PAPPA2: variants seen among roughly 807,000 people sequenced by gnomAD.
PAPPA2 encodes pappalysin-2.
A neutral mutation model predicts 176.4 loss-of-function variants in PAPPA2; 86 were observed. The observed-to-expected ratio is 0.49, with a 90% CI of 0.41 to 0.58. The LOEUF (loss-of-function observed/expected upper bound fraction) is 0.58. Ranked by LOEUF, PAPPA2 falls within the 20% of genes least tolerant of loss-of-function variation. PAPPA2 has a pLI of 0.00. For missense variants in PAPPA2, 2,073 were observed against 2,256.9 expected (o/e 0.92, Z 1.65); for synonymous variants, 809 against 852.2 (o/e 0.95, Z 0.88).
intron 1 of PAPPA2, among the ~76,000 whole-genome samples, chr1:176,491,382 A>C (rs1355040116): frequency 1.3e-5 from 2 of 152,218 alleles, no homozygotes; most frequent in Non-Finnish European, 2.9e-5. Context: ...ATGAGGTGTG[A>C]CATCTAGGCT....
At position 176,791,428 on chromosome 1, in the gene PAPPA2, C is replaced by G; in HGVS notation, c.4966C>G (p.Pro1656Ala). Residue 1656 changes from proline to alanine, a missense_variant, in exon 19 of 23, where the codon CCC (proline) becomes GCC (alanine). Physicochemically the swap from Pro to Ala is conservative, Grantham distance 27 (BLOSUM62 -1). Around this residue, in one of 4 missense-constraint regions of PAPPA2, gnomAD observed 846 missense variants for 857.9 expected, o/e 0.99. Transcript: ENST00000367662. ...GAATCTGCAAGGAGAATGCCCACCA[C>G]CCCCCTCAGAGCTGAATTCTGTGGA... ...CENLQGECPPPPSELNSVEYK... is the reference protein window; with the variant it reads ...CENLQGECPPAPSELNSVEYK... 3 of 1,613,338 alleles carry G rather than the reference C, an allele frequency of 1.9e-6. No individual in the cohort carries two copies. The highest frequency in any genetic ancestry group is 2.5e-6 in the Non-Finnish European group (3 of 1,179,404).
chr1:176,775,059 G>A (rs981852693), intron 17 of PAPPA2, among the ~76,000 whole-genome samples: 14 of 152,020 alleles, frequency 9.2e-5, no homozygotes, highest in African/African-American at 3.1e-4. Flanking sequence ...TGTTGTCCAG[G>A]AAGCCTACCA....
Position 176,739,622 on chromosome 1 carries a change from T to A in PAPPA2, c.3799-4T>A, listed in dbSNP as rs756823850. 2 of 1,612,042 alleles carry A rather than the reference T, an allele frequency of 1.2e-6. No homozygotes were observed. Among genetic ancestry groups the A allele is most frequent in the African/African-American group, 2.7e-5 (2 of 74,832 alleles). On this transcript the variant is annotated splice_region_variant and splice_polypyrimidine_tract_variant and intron_variant, in intron 12 of 22. Transcript: ENST00000367662. ...GACTTATACATAAATGTGCTTATGC[T>A]TAGGTGTGTTTCAATAGACCAGGAG...
intron 14 of PAPPA2, among the ~76,000 whole-genome samples, chr1:176,764,876 G>A (rs1003030249): frequency 6.6e-6 from 1 of 152,148 alleles, no homozygotes; most frequent in African/African-American, 2.4e-5. Context: ...GATTATGGGC[G>A]TGAGCCACCG....
At chr1:176,633,357 G>A (rs1430325036) in intron 3 of PAPPA2, among the ~76,000 whole-genome samples, 1 of 152,166 alleles carries the variant, frequency 6.6e-6, no homozygotes, top group East Asian at 1.9e-4. Flanking sequence ...ACAGGACTCA[G>A]TGAATGACAT....
chr1:176,684,645 T>TA lies in PAPPA2; in HGVS notation c.2138-5486dup, dbSNP rs894983887. 2.0e-5 allele frequency among the ~76,000 whole-genome samples: 3 copies of TA among 152,078 alleles called. 1 individual carries two copies. The highest frequency in any genetic ancestry group is 4.1e-4 in the South Asian group (2 of 4,826). On this transcript the variant is annotated intron_variant, in intron 4 of 22. Transcript: ENST00000367662. ...TGATAAAAATTAATGGTTTTGAGTA[T>TA]AAAAAATGATAATCATATTCCCCAT... is the stretch of plus-strand genomic sequence containing the variant.
Position 176,731,614 on chromosome 1 carries a change from A to C in PAPPA2, c.3799-8012A>C, listed in dbSNP as rs576972617. 1.6e-4 allele frequency among the ~76,000 whole-genome samples: 24 copies of C among 151,768 alleles called. No individual in the cohort carries two copies. In the South Asian group the frequency reaches 4.6e-3, roughly 29 times the overall value. ...GAAGTGAGCCACCATGCCCGGCATA[A>C]TGTAATACTTTGAGATATATTTATA... On this transcript the variant is annotated intron_variant, in intron 12 of 22. Coordinates refer to ENST00000367662, the MANE Select transcript of PAPPA2 (RefSeq NM_020318.3).
chr1:176,728,135 A>G lies in PAPPA2; in HGVS notation c.3799-11491A>G, dbSNP rs554973201. ...AAAATCAATTAAAATAAAAAGGAAAATCACAAAGAGCAGAAATTAGTAAAA... is the reference window on the plus strand; with the variant it reads ...AAAATCAATTAAAATAAAAAGGAAAGTCACAAAGAGCAGAAATTAGTAAAA... On this transcript the variant is annotated intron_variant, in intron 12 of 22. Coordinates refer to ENST00000367662, the MANE Select transcript of PAPPA2 (RefSeq NM_020318.3). 2.4e-4 allele frequency among the ~76,000 whole-genome samples: 37 copies of G among 151,720 alleles called. 1 individual carries two copies. The East Asian group carries it at 6.0e-3, about 25-fold the overall frequency.
chr1:176,740,287 C>A, intron 14 of PAPPA2, 91 bp downstream of exon 14: 3 of 1,255,586 alleles, frequency 2.4e-6, no homozygotes, highest in Middle Eastern at 2.0e-4. Flanking sequence ...AGAGTGTTTG[C>A]TCAATCACTA....
intron 21 of PAPPA2, among the ~76,000 whole-genome samples, chr1:176,817,697 G>A (rs897192167): frequency 2.8e-4 from 42 of 151,162 alleles, no homozygotes; most frequent in Admixed American, 2.4e-3. Flanking sequence ...CCTGGTGCTT[G>A]GGTAGATGTT....
intron 3 of PAPPA2, among the ~76,000 whole-genome samples, chr1:176,630,706 AT>A (rs1192077690): frequency 2.0e-5 from 3 of 152,234 alleles, no homozygotes; most frequent in African/African-American, 7.2e-5. Flanking sequence ...ACAGGCTCTG[AT>A]AGAGGGTCTG....
At chr1:176,587,741 T>C (rs1653406585) in intron 2 of PAPPA2, among the ~76,000 whole-genome samples, 1 of 152,192 alleles carries the variant, frequency 6.6e-6, no homozygotes, top group South Asian at 2.1e-4. Context: ...GCTTTGTTCT[T>C]TTTGCTTAGG....
At chr1:176,489,003 G>A (rs562273495) in intron 1 of PAPPA2, among the ~76,000 whole-genome samples, 9 of 152,224 alleles carry the variant, frequency 5.9e-5, no homozygotes, top group Admixed American at 3.3e-4. Context: ...GTATAATAAG[G>A]TTGGGGTACA....
In PAPPA2 at chr1:176,595,179, A is replaced by T. The variant is rs1653898816; in HGVS notation, c.1575A>T (p.Ile525=). 1 of 1,614,168 alleles carries T rather than the reference A, an allele frequency of 6.2e-7. No homozygotes were observed. The highest frequency in any genetic ancestry group is 2.2e-5 in the East Asian group (1 of 44,860). Residue 525 remains isoleucine, a synonymous_variant, in exon 3 of 23, where the codon ATA becomes ATT. Coordinates refer to ENST00000367662, the MANE Select transcript of PAPPA2 (RefSeq NM_020318.3). The stretch of plus-strand genomic sequence containing the variant: ...GGCCCCTTCGGGGAGAGAAGGTGAT[A>T]CGCTACCAGGTGGTGAACATCTGTG... ...GYWPLRGEKV[I]RYQVVNICDD...
chr1:176,778,650 T>C (rs1664567510), intron 17 of PAPPA2, among the ~76,000 whole-genome samples: 1 of 152,204 alleles, frequency 6.6e-6, no homozygotes, highest in Admixed American at 6.5e-5. Flanking sequence ...GTCATAGCGG[T>C]GTGCCTATAC....
At chr1:176,790,086 C>G in intron 18 of PAPPA2, 109 bp downstream of exon 18, 1 of 1,267,714 alleles carries the variant, frequency 7.9e-7, no homozygotes, top group Non-Finnish European at 1.1e-6. Flanking sequence ...CAGGCAGGGA[C>G]TTGGGATTCT....
chr1:176,792,333 A>G (rs999969176), intron 19 of PAPPA2, among the ~76,000 whole-genome samples: 19 of 152,346 alleles, frequency 1.2e-4, no homozygotes, highest in Admixed American at 1.1e-3. Flanking sequence ...CTGCATTAGC[A>G]AGGAGTAATT....
chr1:176,620,829 A>T (rs1402546821), intron 3 of PAPPA2, among the ~76,000 whole-genome samples: 1 of 152,190 alleles, frequency 6.6e-6, no homozygotes, highest in Non-Finnish European at 1.5e-5. Flanking sequence ...ATAAAAAGTA[A>T]TTCAAAATTT....
At chr1:176,730,514 A>G (rs1470585583) in intron 12 of PAPPA2, among the ~76,000 whole-genome samples, 1 of 150,570 alleles carries the variant, frequency 6.6e-6, no homozygotes, top group African/African-American at 2.4e-5. Flanking sequence ...TTACGCATGC[A>G]TGGGGTTTGT....
Sources: gnomAD v4.1 joint callset for allele counts (sites outside exome capture counted in the v4.1 genomes callset) on GRCh38, gnomAD v4.1.1 for gene constraint, gnomAD v4.1.1 regional missense constraint, MANE v1.5 for transcripts, NCBI Gene and HGNC (gene_info 2026-07-23, HGNC 2026-07-21) for gene names.